ZMAT3: variants seen among roughly 807,000 people sequenced by gnomAD.
ZMAT3 encodes the protein zinc finger matrin-type 3.
Under a neutral mutation model 32.3 loss-of-function variants are expected in ZMAT3, and 17 were observed. The ratio of observed to expected loss-of-function variants is 0.53; its 90% CI spans 0.36 to 0.79. The LOEUF is 0.79. Ranked by LOEUF, ZMAT3 falls within the 30% of genes least tolerant of loss-of-function variation. ZMAT3 has a pLI of 0.00. For missense variants in ZMAT3, 329 were observed against 359.7 expected (o/e 0.91, Z 0.69); for synonymous variants, 120 against 133.1 (o/e 0.90, Z 0.68).
At chr3:179,035,689 C>T (rs1315111860) in intron 2 of ZMAT3, among the ~76,000 whole-genome samples, 1 of 151,980 alleles carries the variant, frequency 6.6e-6, no homozygotes, top group Non-Finnish European at 1.5e-5. Flanking sequence ...CTGTTCTAAT[C>T]CCAATGCCTA....
rs1271556417 is a variant in ZMAT3, at chr3:179,020,343, A to G, written c.*4674T>C. The G allele has an allele frequency of 6.6e-6, 1 of 152,204 alleles. No individual in the cohort carries two copies. Among genetic ancestry groups the G allele is most frequent in the East Asian group, 1.9e-4 (1 of 5,194 alleles). The allele number at this position is 152,204 out of a possible 1,614,324, so 9.4% of individuals were successfully genotyped here. ...GAAAAAGTCAAACAGCTATCAGTAG[A>G]AGCGTTTTATGAGAAGCTATTTACA... On this transcript the variant is annotated 3_prime_UTR_variant, in exon 6 of 6. Transcript: ENST00000311417.
intron 2 of ZMAT3, among the ~76,000 whole-genome samples, chr3:179,043,485 T>C (rs1720065161): frequency 6.6e-6 from 1 of 152,240 alleles, no homozygotes; most frequent in East Asian, 1.9e-4. Flanking sequence ...GGATTCCCTA[T>C]TTAATAAATG....
intron 5 of ZMAT3, among the ~76,000 whole-genome samples, chr3:179,026,702 A>G (rs76885458): frequency 2.8e-3 from 425 of 152,062 alleles, no homozygotes; most frequent in African/African-American, 9.6e-3. Context: ...TGTGCTTTCT[A>G]TATGTCCTTT....
At chr3:179,049,023 T>C (rs755488482) in intron 2 of ZMAT3, among the ~76,000 whole-genome samples, 1 of 152,188 alleles carries the variant, frequency 6.6e-6, no homozygotes, top group Non-Finnish European at 1.5e-5. Flanking sequence ...GGAGTAGCTA[T>C]TCTTATTTGA....
At chr3:179,065,658 G>A (rs547078334) in intron 2 of ZMAT3, among the ~76,000 whole-genome samples, 1 of 152,270 alleles carries the variant, frequency 6.6e-6, no homozygotes, top group Admixed American at 6.5e-5. Flanking sequence ...GGAATTATAG[G>A]CTGGGTGCGG....
At chr3:179,053,247 CA>C (rs1453172070) in intron 2 of ZMAT3, among the ~76,000 whole-genome samples, 1 of 149,498 alleles carries the variant, frequency 6.7e-6, no homozygotes, top group Non-Finnish European at 1.5e-5. Context: ...AATATATCTA[CA>C]AAATATCTAT....
At chr3:179,068,179 A>C (rs1489528473) in intron 1 of ZMAT3, among the ~76,000 whole-genome samples, 2 of 152,174 alleles carry the variant, frequency 1.3e-5, no homozygotes, top group Admixed American at 6.5e-5. Context: ...ACTTACACTT[A>C]AACACTCTTA....
chr3:179,046,787 C>A lies in ZMAT3; in HGVS notation c.271-15788G>T, dbSNP rs1281198912. Among the ~76,000 whole-genome samples, 1 of 152,120 alleles carries A rather than the reference C, an allele frequency of 6.6e-6. No individual in the cohort carries two copies. The highest frequency in any genetic ancestry group is 1.5e-5 in the Non-Finnish European group (1 of 68,028). Reference sequence around the variant, plus strand: ...TGACACAGCAGAGGCAGCCATAATCCCCCTGGGAACATAACTCCATTGGCC... The same window carrying A: ...TGACACAGCAGAGGCAGCCATAATCACCCTGGGAACATAACTCCATTGGCC... On this transcript the variant is annotated intron_variant, in intron 2 of 5. Transcript: ENST00000311417. This position sits in a 1 kb window ranked among gnomAD's most constrained non-coding sequence, Gnocchi z 4.3.
chr3:179,048,595 G>T (rs1232889811), intron 2 of ZMAT3, among the ~76,000 whole-genome samples: 1 of 152,120 alleles, frequency 6.6e-6, no homozygotes, highest in Non-Finnish European at 1.5e-5. Flanking sequence ...TACTGTCTTT[G>T]TCAGACAAAA....
At chr3:179,035,490 T>C (rs1402793915) in intron 2 of ZMAT3, among the ~76,000 whole-genome samples, 2 of 152,176 alleles carry the variant, frequency 1.3e-5, no homozygotes, top group Non-Finnish European at 2.9e-5. Flanking sequence ...CACTCTCAAG[T>C]GTCACAACCA....
intron 2 of ZMAT3, among the ~76,000 whole-genome samples, chr3:179,040,456 C>A (rs966547990): frequency 6.6e-6 from 1 of 152,140 alleles, no homozygotes; most frequent in Non-Finnish European, 1.5e-5. Context: ...GAATTTTCAA[C>A]CCAGAATTTC....
At chr3:179,067,201 G>C (rs1052912099) in intron 2 of ZMAT3, among the ~76,000 whole-genome samples, 4 of 152,180 alleles carry the variant, frequency 2.6e-5, no homozygotes, top group Non-Finnish European at 4.4e-5. Flanking sequence ...AAGACTACAG[G>C]TTCAGATGCC....
intron 2 of ZMAT3, among the ~76,000 whole-genome samples, chr3:179,049,170 T>TAAAAC (rs1233856839): frequency 2.6e-5 from 4 of 152,196 alleles, no homozygotes; most frequent in Admixed American, 6.5e-5. Context: ...TCCAAACTTA[T>TAAAAC]AAAACAATTA....
chr3:179,030,690 C>T (rs1197125060), intron 3 of ZMAT3, among the ~76,000 whole-genome samples, 190 bp downstream of exon 3: 3 of 152,100 alleles, frequency 2.0e-5, no homozygotes, highest in African/African-American at 7.2e-5. Flanking sequence ...TATAAAGACT[C>T]ACGTAACAAT....
chr3:179,063,710 A>G (rs1198752298), intron 2 of ZMAT3, among the ~76,000 whole-genome samples: 1 of 152,232 alleles, frequency 6.6e-6, no homozygotes, highest in Non-Finnish European at 1.5e-5. Context: ...ACCCCATGCC[A>G]GCCTTGCCCT....
At chr3:179,051,214 A>C (rs1720538306) in intron 2 of ZMAT3, among the ~76,000 whole-genome samples, 1 of 152,216 alleles carries the variant, frequency 6.6e-6, no homozygotes, top group Admixed American at 6.5e-5. Flanking sequence ...TTTGCTAATG[A>C]AAATGATTGT....
upstream of ZMAT3, chr3:179,071,834 G>A (rs747833260): frequency 6.6e-6 from 1 of 152,670 alleles, no homozygotes; most frequent in African/African-American, 2.4e-5. Context: ...CGGTGGAGGA[G>A]GAGACTGAGG....
rs549655432 is a variant in ZMAT3, at chr3:179,039,767, A to G, written c.271-8768T>C. Among the ~76,000 whole-genome samples the G allele has an allele frequency of 5.9e-5, 9 of 152,294 alleles. No homozygotes were observed. The South Asian group carries it at 1.9e-3, about 32-fold the overall frequency. ...AGAAGTAGACTTCAGAAGGTCAGTA[A>G]TAACAAACTTCTCCAAGCTAAAGGA... On this transcript the variant is annotated intron_variant, in intron 2 of 5. Transcript: ENST00000311417.
intron 2 of ZMAT3, among the ~76,000 whole-genome samples, chr3:179,047,492 T>C (rs1720304720): frequency 6.6e-6 from 1 of 152,132 alleles, no homozygotes; most frequent in Non-Finnish European, 1.5e-5. Context: ...CAGCAGTGGA[T>C]CCAAACCAAG....
Sources: allele counts gnomAD v4.1 joint callset (sites outside exome capture counted in the v4.1 genomes callset), GRCh38; gene constraint gnomAD v4.1.1; non-coding constraint Gnocchi (gnomAD v3.1); transcripts MANE v1.5; gene names NCBI Gene and HGNC (gene_info 2026-07-23, HGNC 2026-07-21).